CA10: variants seen among roughly 807,000 people sequenced by gnomAD.
The protein encoded by CA10 is carbonic anhydrase-related protein 10.
CA10 carries 14 observed loss-of-function variants against 44.2 expected under a neutral mutation model. The observed-to-expected ratio is 0.32, with a 90% CI of 0.21 to 0.50. The LOEUF (loss-of-function observed/expected upper bound fraction) is 0.50. Among genes scored for constraint, CA10 ranks in the 20% least tolerant of loss-of-function variants. The probability of loss-of-function intolerance (pLI) is 0.99; values close to 1 mark genes in which losing one functional copy is unlikely to be tolerated. For missense variants in CA10, 350 were observed against 409.7 expected, an observed-to-expected ratio of 0.85 and a Z score of 1.26; for synonymous variants, 159 against 141.6, an observed-to-expected ratio of 1.12 and a Z score of -0.87.
At chr17:51,896,081 AT>A (rs1981055837) in intron 3 of CA10, among the ~76,000 whole-genome samples, 1 of 148,498 alleles carries the variant, frequency 6.7e-6, no homozygotes, top group African/African-American at 2.6e-5. Flanking sequence ...ACAGATTTTT[AT>A]TTATTTATTC....
intron 2 of CA10, among the ~76,000 whole-genome samples, chr17:52,010,630 G>T (rs1233092299): frequency 1.3e-5 from 2 of 151,746 alleles, no homozygotes; most frequent in South Asian, 4.2e-4. Flanking sequence ...GAAAATGTGG[G>T]GGATGGTGAG....
intron 6 of CA10, among the ~76,000 whole-genome samples, chr17:51,646,085 C>T (rs975706206): frequency 1.1e-4 from 16 of 152,216 alleles, no homozygotes; most frequent in Non-Finnish European, 2.4e-4. Flanking sequence ...CCCCTACCAA[C>T]CCAAGGAGGG....
chr17:51,643,990 C>G (rs1913213569), intron 6 of CA10, among the ~76,000 whole-genome samples: 1 of 152,090 alleles, frequency 6.6e-6, no homozygotes. Flanking sequence ...GATAGGAGCC[C>G]AGATCTCTCT....
intron 2 of CA10, among the ~76,000 whole-genome samples, chr17:52,040,445 T>C (rs1285823828): frequency 1.3e-5 from 2 of 152,078 alleles, no homozygotes; most frequent in Non-Finnish European, 2.9e-5. Flanking sequence ...GGTCTTCAAA[T>C]AGAGAATCAT....
At chr17:51,932,534 T>C (rs1010835367) in intron 2 of CA10, among the ~76,000 whole-genome samples, 4 of 152,234 alleles carry the variant, frequency 2.6e-5, no homozygotes, top group Middle Eastern at 3.4e-3. Context: ...CAAAATAAGA[T>C]GGGTCTCATT....
intron 3 of CA10, among the ~76,000 whole-genome samples, chr17:51,833,193 T>G (rs1908348158): frequency 1.3e-5 from 2 of 152,144 alleles, no homozygotes; most frequent in African/African-American, 4.8e-5. Context: ...GCTTCTCCCT[T>G]GAGCATTAGT....
intron 2 of CA10, among the ~76,000 whole-genome samples, chr17:52,053,890 C>G (rs1987149998): frequency 6.6e-6 from 1 of 152,060 alleles, no homozygotes; most frequent in Admixed American, 6.6e-5. Context: ...CAATCAATAC[C>G]CTTGTGATTT....
chr17:52,132,231 G>T (rs921413305), intron 1 of CA10, among the ~76,000 whole-genome samples: 25 of 151,966 alleles, frequency 1.6e-4, no homozygotes, highest in African/African-American at 5.6e-4. Context: ...AAAACAGCTT[G>T]TCCCCAAGAG....
At chr17:52,024,004 AGT>A (rs753835161) in intron 2 of CA10, among the ~76,000 whole-genome samples, 16 of 151,836 alleles carry the variant, frequency 1.1e-4, no homozygotes, top group Admixed American at 2.0e-4. Flanking sequence ...TCTGTGGGTT[AGT>A]GTTTATCAGT....
chr17:51,871,693 T>G (rs1181082977), intron 3 of CA10, among the ~76,000 whole-genome samples: 1 of 151,470 alleles, frequency 6.6e-6, no homozygotes, highest in Admixed American at 6.6e-5. Context: ...CCTTCCTTCT[T>G]CTTTAAACTT....
In CA10 at chr17:51,900,043, T is replaced by A. The variant is rs80029244; in HGVS notation, c.279+30947A>T. ...ACATTTAGCCTGTTTACATTCAATT[T>A]TGATATGTGTAGATTTAATCCTGGC... On this transcript the variant is annotated intron_variant, in intron 3 of 8. Transcript: ENST00000451037. Among the ~76,000 whole-genome samples the A allele has an allele frequency of 5.3e-3, 813 of 152,144 alleles. 11 individuals carry two copies. The highest frequency in any genetic ancestry group is 0.019 in the African/African-American group (785 of 41,454).
intron 2 of CA10, among the ~76,000 whole-genome samples, chr17:52,012,683 T>C (rs1356138856): frequency 6.6e-6 from 1 of 152,046 alleles, no homozygotes; most frequent in African/African-American, 2.4e-5. Flanking sequence ...CCCACCTACA[T>C]GGGTAATTTT....
chr17:51,739,127 A>G (rs1470192078), intron 4 of CA10, among the ~76,000 whole-genome samples: 1 of 152,072 alleles, frequency 6.6e-6, no homozygotes, highest in Non-Finnish European at 1.5e-5. Flanking sequence ...ACCTCTACAA[A>G]TTTTCATTGG....
intron 3 of CA10, among the ~76,000 whole-genome samples, chr17:51,766,469 G>A (rs1905387033): frequency 1.3e-5 from 2 of 152,152 alleles, no homozygotes; most frequent in South Asian, 4.1e-4. Flanking sequence ...AGAAAGGACA[G>A]CTCCTGGGGT....
intron 1 of CA10, among the ~76,000 whole-genome samples, chr17:52,108,306 A>G (rs1289897797): frequency 6.6e-6 from 1 of 150,480 alleles, no homozygotes; most frequent in East Asian, 1.9e-4. Context: ...GAGACTGGAG[A>G]CTATTACTCT....
chr17:51,857,606 T>C (rs118172104), intron 3 of CA10, among the ~76,000 whole-genome samples: 4 of 152,142 alleles, frequency 2.6e-5, no homozygotes, highest in African/African-American at 9.7e-5. Flanking sequence ...GCTTCATGCA[T>C]CAACTTACTA....
intron 3 of CA10, among the ~76,000 whole-genome samples, chr17:51,858,611 T>C (rs763004608): frequency 2.6e-5 from 4 of 152,234 alleles, no homozygotes; most frequent in Non-Finnish European, 5.9e-5. Flanking sequence ...CATATTTTAA[T>C]TCTTTGAACG....
intron 3 of CA10, among the ~76,000 whole-genome samples, chr17:51,770,781 G>A (rs1021766849): frequency 6.6e-6 from 1 of 152,022 alleles, no homozygotes; most frequent in African/African-American, 2.4e-5. Context: ...ACATGGCCAA[G>A]TGGGAGCAAG....
At chr17:51,883,301 A>G (rs1204875348) in intron 3 of CA10, among the ~76,000 whole-genome samples, 1 of 152,008 alleles carries the variant, frequency 6.6e-6, no homozygotes, top group Non-Finnish European at 1.5e-5. Flanking sequence ...GTGTATACTC[A>G]ATGTTCTGTT....
Sources: allele counts gnomAD v4.1 joint callset (sites outside exome capture counted in the v4.1 genomes callset), GRCh38; gene constraint gnomAD v4.1.1; transcripts MANE v1.5; gene names NCBI Gene and HGNC (gene_info 2026-07-23, HGNC 2026-07-21).